Variants in TAFA4 observed in about 807,000 individuals in gnomAD.
The protein encoded by TAFA4 is chemokine-like protein TAFA-4.
In TAFA4, 20 loss-of-function variants were observed where a neutral mutation model predicts 21.1. The ratio of observed to expected loss-of-function variants is 0.95; its 90% CI spans 0.67 to 1.38. The LOEUF (loss-of-function observed/expected upper bound fraction) is 1.38, where lower values mean the gene tolerates loss of function less well. Ranked by LOEUF, TAFA4 falls within the 40% of genes most tolerant of loss-of-function variation. The pLI is 0.00. For missense variants in TAFA4, 211 were observed against 180.9 expected (o/e 1.17, Z -0.95); for synonymous variants, 71 against 67.4 (o/e 1.05, Z -0.26).
intron 1 of TAFA4, among the ~76,000 whole-genome samples, chr3:68,896,310 A>C (rs547778386): frequency 6.6e-6 from 1 of 152,264 alleles, no homozygotes; most frequent in East Asian, 1.9e-4. Context: ...TGCTGGGTAG[A>C]GAATGTCCTG....
chr3:68,749,961 A>G (rs1367365462), intron 4 of TAFA4, among the ~76,000 whole-genome samples: 4 of 152,212 alleles, frequency 2.6e-5, no homozygotes, highest in Non-Finnish European at 5.9e-5. Context: ...GTCCATAAAT[A>G]TATAGAGAGG....
At chr3:68,795,033 C>CACACACAG (rs1330662423) in intron 3 of TAFA4, among the ~76,000 whole-genome samples, 1 of 151,444 alleles carries the variant, frequency 6.6e-6, no homozygotes, top group African/African-American at 2.4e-5. Context: ...CACACACACA[C>CACACACAG]ACAGACACAC....
intron 3 of TAFA4, among the ~76,000 whole-genome samples, chr3:68,762,396 G>A (rs747937133): frequency 1.8e-4 from 28 of 152,142 alleles, no homozygotes; most frequent in Non-Finnish European, 2.8e-4. Flanking sequence ...TAAGATGTGG[G>A]AAATTACAAC....
intron 5 of TAFA4, among the ~76,000 whole-genome samples, chr3:68,738,541 G>A (rs1463780154): frequency 6.6e-6 from 1 of 152,172 alleles, no homozygotes; most frequent in Non-Finnish European, 1.5e-5. Flanking sequence ...AAAATCCTAA[G>A]GACAATGTAA....
intron 3 of TAFA4, among the ~76,000 whole-genome samples, chr3:68,857,141 T>C (rs934623859): frequency 2.0e-5 from 3 of 152,212 alleles, no homozygotes; most frequent in South Asian, 2.1e-4. Flanking sequence ...GTTCGAAATG[T>C]GGCAATCAGA....
chr3:68,808,491 C>T (rs532496431), intron 3 of TAFA4, among the ~76,000 whole-genome samples: 102 of 152,280 alleles, frequency 6.7e-4, no homozygotes, highest in Non-Finnish European at 1.4e-3. Context: ...TAATCTACTG[C>T]CTTCTTAAAC....
At chr3:68,886,233 T>C (rs979443796) in intron 1 of TAFA4, among the ~76,000 whole-genome samples, 1 of 152,202 alleles carries the variant, frequency 6.6e-6, no homozygotes, top group Non-Finnish European at 1.5e-5. Context: ...CAAGTTTGAT[T>C]AGAGAACACT....
chr3:68,904,178 T>G (rs1362400654), intron 1 of TAFA4, among the ~76,000 whole-genome samples: 1 of 152,162 alleles, frequency 6.6e-6, no homozygotes, highest in Admixed American at 6.5e-5. Flanking sequence ...AATGGCCTCA[T>G]TATCCCCACA....
chr3:68,738,803 C>T (rs7626497), intron 5 of TAFA4, among the ~76,000 whole-genome samples: 91,570 of 152,032 alleles, frequency 0.6, 28,490 homozygotes, highest in East Asian at 0.91. Flanking sequence ...GAAACCTTTA[C>T]TTTAAATCGG....
chr3:68,760,397 G>A (rs1702738831), intron 3 of TAFA4, among the ~76,000 whole-genome samples: 1 of 152,146 alleles, frequency 6.6e-6, no homozygotes, highest in African/African-American at 2.4e-5. Flanking sequence ...AAGTTCTTCA[G>A]CTGAAACTAC....
intron 3 of TAFA4, among the ~76,000 whole-genome samples, chr3:68,796,937 T>C (rs923562658): frequency 1.6e-4 from 25 of 152,082 alleles, no homozygotes; most frequent in African/African-American, 6.0e-4. Context: ...AACAAAAACC[T>C]GCTCCCTTTC....
chr3:68,901,444 C>G (rs1175540784), intron 1 of TAFA4, among the ~76,000 whole-genome samples: 3 of 152,106 alleles, frequency 2.0e-5, no homozygotes, highest in Non-Finnish European at 4.4e-5. Context: ...AGTTACAAAG[C>G]TAATTAGTTG....
At chr3:68,744,539 A>G (rs1425903420) in intron 4 of TAFA4, among the ~76,000 whole-genome samples, 1 of 152,224 alleles carries the variant, frequency 6.6e-6, no homozygotes, top group Non-Finnish European at 1.5e-5. Context: ...CCCTGCAGAG[A>G]AAAACAATGA....
chr3:68,855,013 A>G lies in TAFA4; in HGVS notation c.130+25717T>C, dbSNP rs62256069. 9.2e-3 allele frequency among the ~76,000 whole-genome samples: 1,404 copies of G among 152,298 alleles called. 7 individuals are homozygous for G. The highest frequency in any genetic ancestry group is 0.015 in the Non-Finnish European group (999 of 68,012). ...CCAAACCCATAGCAGAGTAAAAATC[A>G]TAATAGGGGACAGTGGAACTCTTAG... On this transcript the variant is annotated intron_variant, in intron 3 of 5. Transcript: ENST00000295569.
intron 4 of TAFA4, among the ~76,000 whole-genome samples, chr3:68,745,880 G>T (rs1470706972): frequency 6.6e-6 from 1 of 152,184 alleles, no homozygotes. Context: ...GTGTCAACTT[G>T]ATTGGATTAA....
At chr3:68,748,668 C>A (rs1331448257) in intron 4 of TAFA4, among the ~76,000 whole-genome samples, 2 of 150,984 alleles carry the variant, frequency 1.3e-5, no homozygotes, top group African/African-American at 4.9e-5. Flanking sequence ...CACTTGAACC[C>A]GGGAGGCAGA....
intron 3 of TAFA4, among the ~76,000 whole-genome samples, chr3:68,861,427 G>A (rs111444942): frequency 0.017 from 2,573 of 151,980 alleles, 65 homozygotes; most frequent in African/African-American, 0.058. Context: ...GTTAGTTTTC[G>A]TTTTTTAATC....
At chr3:68,799,012 C>A (rs1703513511) in intron 3 of TAFA4, among the ~76,000 whole-genome samples, 2 of 152,140 alleles carry the variant, frequency 1.3e-5, no homozygotes, top group African/African-American at 4.8e-5. Context: ...GAAAGACATA[C>A]CTTGAAAAAT....
chr3:68,849,519 A>G (rs534076787), intron 3 of TAFA4, among the ~76,000 whole-genome samples: 8 of 152,314 alleles, frequency 5.3e-5, no homozygotes, highest in African/African-American at 1.9e-4. Context: ...AGCTGAGCCC[A>G]GCATTCCAGC....
Sources: gnomAD v4.1 joint callset for allele counts (sites outside exome capture counted in the v4.1 genomes callset) on GRCh38, gnomAD v4.1.1 for gene constraint, MANE v1.5 for transcripts, NCBI Gene and HGNC (gene_info 2026-07-23, HGNC 2026-07-21) for gene names.